KCNQ3: variants seen among roughly 807,000 people sequenced by gnomAD.
The protein encoded by KCNQ3 is potassium voltage-gated channel subfamily KQT member 3.
In KCNQ3, 30 loss-of-function variants were observed where a neutral mutation model predicts 92.5. The observed-to-expected ratio is 0.32, with a 90% CI of 0.24 to 0.44. The LOEUF is 0.44. Ranked by LOEUF, KCNQ3 falls within the 20% of genes least tolerant of loss-of-function variation. The pLI, the probability that KCNQ3 is intolerant of heterozygous loss-of-function variation, is 1.00. For synonymous variants in KCNQ3, 450 were observed against 468.8 expected, an observed-to-expected ratio of 0.96 and a Z score of 0.52; for missense variants, 913 against 1,140.3, an observed-to-expected ratio of 0.80 and a Z score of 2.87.
intron 4 of KCNQ3, among the ~76,000 whole-genome samples, chr8:132,176,139 C>T (rs1222860847): frequency 2.0e-5 from 3 of 152,092 alleles, no homozygotes; most frequent in Non-Finnish European, 4.4e-5. Context: ...TTCCTGAAAT[C>T]GTTTTGTGTA....
intron 1 of KCNQ3, among the ~76,000 whole-genome samples, chr8:132,215,655 T>C (rs926745031): frequency 2.1e-4 from 32 of 152,138 alleles, no homozygotes; most frequent in Non-Finnish European, 2.4e-4. Context: ...TTGAAGGAAG[T>C]AGACCATGAG....
intron 1 of KCNQ3, among the ~76,000 whole-genome samples, chr8:132,460,827 C>T (rs541096490): frequency 1.2e-4 from 19 of 152,268 alleles, no homozygotes; most frequent in East Asian, 9.7e-4. Flanking sequence ...TCCACCATTA[C>T]GGAATCACAC....
intron 1 of KCNQ3, among the ~76,000 whole-genome samples, chr8:132,475,817 T>C (rs1822396744): frequency 6.6e-6 from 1 of 152,138 alleles, no homozygotes; most frequent in Non-Finnish European, 1.5e-5. Flanking sequence ...GCATAAGTAA[T>C]GAGGAGTTGA....
chr8:132,407,102 G>A (rs1013454700), intron 1 of KCNQ3, among the ~76,000 whole-genome samples: 1 of 152,192 alleles, frequency 6.6e-6, no homozygotes, highest in African/African-American at 2.4e-5. Context: ...TTCCTGCACA[G>A]ACAGGCAGGT....
At chr8:132,435,243 A>T (rs1371844919) in intron 1 of KCNQ3, among the ~76,000 whole-genome samples, 1 of 152,224 alleles carries the variant, frequency 6.6e-6, no homozygotes, top group African/African-American at 2.4e-5. Context: ...TTATCAGTGT[A>T]TTCACATTTA....
chr8:132,469,606 G>C (rs959261722), intron 1 of KCNQ3, among the ~76,000 whole-genome samples: 3 of 151,998 alleles, frequency 2.0e-5, no homozygotes, highest in African/African-American at 4.8e-5. Flanking sequence ...TCTTTTCCTT[G>C]CTTCCCTTGA....
intron 9 of KCNQ3, among the ~76,000 whole-genome samples, chr8:132,144,307 A>G (rs1825388134): frequency 6.6e-6 from 1 of 152,248 alleles, no homozygotes; most frequent in Admixed American, 6.5e-5. Context: ...AGCAAAGTGG[A>G]TGATCAGCTT....
chr8:132,211,505 T>G (rs546475816), intron 1 of KCNQ3, among the ~76,000 whole-genome samples: 2 of 152,326 alleles, frequency 1.3e-5, no homozygotes, highest in South Asian at 4.2e-4. Context: ...AGTTCAATAC[T>G]CTGATCTATA....
chr8:132,238,629 TTC>T (rs536031772), intron 1 of KCNQ3, among the ~76,000 whole-genome samples: 47 of 152,340 alleles, frequency 3.1e-4, no homozygotes, highest in African/African-American at 9.4e-4. Flanking sequence ...ATTTCTATTT[TTC>T]TCTCTCCCTA....
intron 1 of KCNQ3, among the ~76,000 whole-genome samples, chr8:132,409,340 T>C (rs1320148706): frequency 1.3e-5 from 2 of 152,122 alleles, no homozygotes; most frequent in Non-Finnish European, 2.9e-5. Context: ...GTGACACAGA[T>C]ACAGTTCCTG....
At position 132,440,924 on chromosome 8, in the gene KCNQ3, A is replaced by G. The variant is rs575215416; in HGVS notation, c.386+39223T>C. Among the ~76,000 whole-genome samples, 5 of 152,360 alleles carry G rather than the reference A, an allele frequency of 3.3e-5. No individual in the cohort carries two copies. In the East Asian group the frequency reaches 9.6e-4, roughly 29 times the overall value. ...TCAAAGGGGTATGGCATTGCCATCA[A>G]GAAATCAGAACTCTGCTTCTCACCT... On this transcript the variant is annotated intron_variant, in intron 1 of 14. Coordinates refer to ENST00000388996, the MANE Select transcript of KCNQ3 (RefSeq NM_004519.4).
rs139019098 is a variant in KCNQ3 at position 132,322,068 on chromosome 8, G to T, written c.387-135887C>A. Among the ~76,000 whole-genome samples the T allele has an allele frequency of 1.8e-4, 27 of 152,274 alleles. No homozygotes were observed. In the East Asian group the frequency reaches 5.0e-3, roughly 28 times the overall value. On this transcript the variant is annotated intron_variant, in intron 1 of 14. Transcript: ENST00000388996. Reference sequence around the variant, plus strand: ...AAGAAGGAGAGCGGAGAAAAGAAGTGAAAGAAGAGGGGCGGAGAGAGATAA... The same window carrying T: ...AAGAAGGAGAGCGGAGAAAAGAAGTTAAAGAAGAGGGGCGGAGAGAGATAA...
intron 1 of KCNQ3, among the ~76,000 whole-genome samples, chr8:132,196,672 A>C (rs950452971): frequency 6.6e-6 from 1 of 152,242 alleles, no homozygotes; most frequent in African/African-American, 2.4e-5. Context: ...CTCAGATTTC[A>C]GTGCCTACAT....
intron 8 of KCNQ3, among the ~76,000 whole-genome samples, chr8:132,166,519 G>T (rs1025283810): frequency 6.6e-6 from 1 of 152,094 alleles, no homozygotes; most frequent in African/African-American, 2.4e-5. Context: ...GAAGACCTGG[G>T]TTTGCCCTCA....
At chr8:132,163,968 A>G (rs1331899448) in intron 8 of KCNQ3, among the ~76,000 whole-genome samples, 1 of 152,180 alleles carries the variant, frequency 6.6e-6, no homozygotes, top group Admixed American at 6.5e-5. Flanking sequence ...CATTTCCCTG[A>G]GGAGAAAATT....
intron 1 of KCNQ3, among the ~76,000 whole-genome samples, chr8:132,330,753 A>G (rs1405625634): frequency 6.6e-6 from 1 of 152,202 alleles, no homozygotes; most frequent in Non-Finnish European, 1.5e-5. Flanking sequence ...ATATAAGATG[A>G]TGGTGATACA....
intron 4 of KCNQ3, among the ~76,000 whole-genome samples, chr8:132,178,447 T>C (rs1433451641): frequency 1.3e-5 from 2 of 152,226 alleles, no homozygotes; most frequent in Non-Finnish European, 2.9e-5. Context: ...AGGAACAGCA[T>C]ATTCAGAATA....
rs565069377 is a variant in KCNQ3, at chr8:132,306,565, C to T, written c.387-120384G>A. On this transcript the variant is annotated intron_variant, in intron 1 of 14. Coordinates refer to ENST00000388996, the MANE Select transcript of KCNQ3 (RefSeq NM_004519.4). ...CAAATCTGTTTCCCAGCAGTGTGTG[C>T]ATAGGTGTAGCACAGCTAAATTGCA... is the stretch of plus-strand genomic sequence containing the variant. 3.9e-5 allele frequency among the ~76,000 whole-genome samples: 6 copies of T among 152,300 alleles called. No individual in the cohort carries two copies. In the South Asian group the frequency reaches 1.0e-3, roughly 26 times the overall value.
chr8:132,154,201 T>TTTTTTTTTTTTTTTG, intron 9 of KCNQ3, among the ~76,000 whole-genome samples: 1 of 124,850 alleles, frequency 8.0e-6, no homozygotes, highest in Non-Finnish European at 1.6e-5. Context: ...AAGTTTTTTT[T>TTTTTTTTTTTTTTTG]TTTTTTTTTT....
Sources: allele counts gnomAD v4.1 joint callset (sites outside exome capture counted in the v4.1 genomes callset), GRCh38; gene constraint gnomAD v4.1.1; transcripts MANE v1.5; gene names NCBI Gene and HGNC (gene_info 2026-07-23, HGNC 2026-07-21).